The following RCC2 variants were observed in gnomAD, a reference collection of about 807,000 sequenced individuals.
The protein encoded by RCC2 is protein RCC2.
A neutral mutation model predicts 64.1 loss-of-function variants in RCC2; 19 were observed. The observed-to-expected ratio is 0.30, with a 90% CI of 0.21 to 0.44. The LOEUF is 0.44. RCC2 is among the 20% of genes least tolerant of loss of function. The pLI is 1.00. For synonymous variants in RCC2, 325 were observed against 279.6 expected, an observed-to-expected ratio of 1.16 and a Z score of -1.62; for missense variants, 508 against 710.4, an observed-to-expected ratio of 0.72 and a Z score of 3.24.
chr1:17,432,913 G>A (rs765568576), intron 2 of RCC2, among the ~76,000 whole-genome samples: 3 of 152,028 alleles, frequency 2.0e-5, no homozygotes, highest in South Asian at 2.1e-4. Context: ...AGCCGAGATC[G>A]CGCCACTGCA....
At chr1:17,431,142 C>G (rs1344431592) in intron 2 of RCC2, among the ~76,000 whole-genome samples, 1 of 149,990 alleles carries the variant, frequency 6.7e-6, no homozygotes, top group Non-Finnish European at 1.5e-5. Flanking sequence ...ACCATCCTGG[C>G]TAGCACGGTG....
intron 10 of RCC2, 46 bp from the exon 11 acceptor site, chr1:17,412,240 T>G (rs1490601837): frequency 2.5e-6 from 4 of 1,585,570 alleles, no homozygotes; most frequent in Non-Finnish European, 3.5e-6. Context: ...GCCCCAGACC[T>G]GCACCCACGC....
At chr1:17,419,828 G>C (rs1400603470) in intron 7 of RCC2, among the ~76,000 whole-genome samples, 1 of 152,368 alleles carries the variant, frequency 6.6e-6, no homozygotes, top group East Asian at 1.9e-4. Flanking sequence ...CTCTCCAACT[G>C]TCTCGGGCTC....
intron 7 of RCC2, among the ~76,000 whole-genome samples, chr1:17,420,216 A>G (rs992174892): frequency 6.6e-6 from 1 of 152,192 alleles, no homozygotes; most frequent in Non-Finnish European, 1.5e-5. Flanking sequence ...TTTTCCACCA[A>G]TGAGATCGAA....
At position 17,429,211 on chromosome 1, in the gene RCC2, G is replaced by A. The variant is rs201852929; in HGVS notation, c.286-12C>T. On this transcript the variant is annotated splice_polypyrimidine_tract_variant and intron_variant, in intron 2 of 12. Coordinates refer to ENST00000375436, the MANE Select transcript of RCC2 (RefSeq NM_018715.4). ...GACCCTTCAAGTTTCTGCAGAGACAGAGAAAGGAAAAAAGAATTAGTGTGT... is the reference window on the plus strand; with the variant it reads ...GACCCTTCAAGTTTCTGCAGAGACAAAGAAAGGAAAAAAGAATTAGTGTGT... 3,110 of 1,610,612 alleles carry A rather than the reference G, an allele frequency of 1.9e-3. 16 individuals are homozygous for A. Among genetic ancestry groups the A allele is most frequent in the South Asian group, 9.2e-3 (833 of 90,950 alleles).
intron 7 of RCC2, among the ~76,000 whole-genome samples, chr1:17,417,137 T>C (rs1182756498): frequency 6.6e-6 from 1 of 152,166 alleles, no homozygotes; most frequent in African/African-American, 2.4e-5. Context: ...CAGGCCTCTG[T>C]TTTTATGAAT....
intron 2 of RCC2, among the ~76,000 whole-genome samples, chr1:17,429,448 C>T (rs2075651209): frequency 6.6e-6 from 1 of 152,130 alleles, no homozygotes; most frequent in Non-Finnish European, 1.5e-5. Context: ...TTTGACTTCC[C>T]TTTAAAATAG....
chr1:17,409,276 C>T, intron 12 of RCC2, 82 bp from the exon 13 acceptor site: 1 of 907,690 alleles, frequency 1.1e-6, no homozygotes. Context: ...AACTGGGCTG[C>T]TAAAGCGGGT....
intron 2 of RCC2, among the ~76,000 whole-genome samples, chr1:17,436,546 A>T (rs2075737380): frequency 6.6e-6 from 1 of 152,154 alleles, no homozygotes. Flanking sequence ...TCCATTGACA[A>T]AGCAGCTTCA....
At chr1:17,420,642 GC>G in intron 7 of RCC2, 71 bp downstream of exon 7, 2 of 946,768 alleles carry the variant, frequency 2.1e-6, no homozygotes. Flanking sequence ...CGTGTGTGCA[GC>G]CCCACACTGA....
chr1:17,409,228 G>A, intron 12 of RCC2, 34 bp from the exon 13 acceptor site: 1 of 1,394,450 alleles, frequency 7.2e-7, no homozygotes, highest in Non-Finnish European at 1.0e-6. Flanking sequence ...GTGTGCCTGA[G>A]GCGCCTGGAC....
intron 8 of RCC2, among the ~76,000 whole-genome samples, chr1:17,414,052 G>C (rs1054435417): frequency 1.3e-5 from 2 of 152,212 alleles, no homozygotes; most frequent in African/African-American, 4.8e-5. Context: ...GGCAACAGGA[G>C]CAAGTGTAGC....
At chr1:17,410,184 C>T (rs929196387) in intron 11 of RCC2, 133 bp from the exon 12 acceptor site, 31 of 751,668 alleles carry the variant, frequency 4.1e-5, no homozygotes, top group Non-Finnish European at 6.1e-5. Flanking sequence ...ATGACAAGCC[C>T]GGCCACCCTT....
chr1:17,424,302 A>G (rs1405999371), intron 4 of RCC2, among the ~76,000 whole-genome samples: 3 of 152,108 alleles, frequency 2.0e-5, no homozygotes, highest in South Asian at 4.2e-4. Flanking sequence ...CGGGACATAC[A>G]TTGTCCCTGC....
intron 2 of RCC2, among the ~76,000 whole-genome samples, chr1:17,437,784 C>A (rs1363301430): frequency 1.4e-5 from 2 of 147,002 alleles, no homozygotes; most frequent in Non-Finnish European, 1.5e-5. Flanking sequence ...CCGGCCGCCC[C>A]CTCCCCGCGG....
Position 17,416,513 on chromosome 1 carries a change from A to G in RCC2, c.993T>C (p.Val331=), listed in dbSNP as rs1441825800. 7 of 1,613,530 alleles carry G rather than the reference A, an allele frequency of 4.3e-6. No homozygotes were observed. The highest frequency in any genetic ancestry group is 5.9e-6 in the Non-Finnish European group (7 of 1,179,980). ...TAGCGCCACAGGCCACGTCTCGTAC[A>G]ACCACGTTTGGTACAGGCAGAATCT... is the stretch of plus-strand genomic sequence containing the variant. ...DGQILPVPNV[V]VRDVACGANH... is the part of the protein sequence containing the mutation. The change falls in exon 8 of 13, where the codon GTT becomes GTC. Residue 331 remains valine (V), a synonymous_variant. Coordinates refer to ENST00000375436, the MANE Select transcript of RCC2 (RefSeq NM_018715.4).
intron 2 of RCC2, among the ~76,000 whole-genome samples, chr1:17,431,360 ATATATAT>A (rs1224766738): frequency 1.0e-4 from 2 of 20,054 alleles, no homozygotes; most frequent in Non-Finnish European, 1.7e-4. Flanking sequence ...AAAAAAAAAA[ATATATAT>A]ATATATATAT....
intron 7 of RCC2, among the ~76,000 whole-genome samples, chr1:17,419,901 C>T (rs2075533445): frequency 2.6e-5 from 4 of 152,254 alleles, no homozygotes; most frequent in Non-Finnish European, 5.9e-5. Context: ...TTATTCACTT[C>T]TGACTTGAAG....
At chr1:17,411,881 G>C (rs562978724) in intron 11 of RCC2, among the ~76,000 whole-genome samples, 3 of 152,304 alleles carry the variant, frequency 2.0e-5, no homozygotes, top group Admixed American at 2.0e-4. Flanking sequence ...AACCGGATCT[G>C]AAAAGTCCCA....
Sources: gnomAD v4.1 joint callset for allele counts (sites outside exome capture counted in the v4.1 genomes callset) on GRCh38, gnomAD v4.1.1 for gene constraint, MANE v1.5 for transcripts, NCBI Gene and HGNC (gene_info 2026-07-23, HGNC 2026-07-21) for gene names.